The following AKR1A1 variants were observed in gnomAD, a reference collection of about 807,000 sequenced individuals.
AKR1A1 encodes the protein aldo-keto reductase family 1 member A1, also known as HEL-S-165mP.
AKR1A1 carries 26 observed loss-of-function variants against 39.2 expected under a neutral mutation model. The ratio of observed to expected loss-of-function variants is 0.66; its 90% CI spans 0.49 to 0.92. The LOEUF (loss-of-function observed/expected upper bound fraction) is 0.92. Ranked by LOEUF, AKR1A1 falls within the 40% of genes least tolerant of loss-of-function variation. AKR1A1 has a pLI of 0.00. For synonymous variants in AKR1A1, 141 were observed against 155.5 expected, an observed-to-expected ratio of 0.91 and a Z score of 0.69; for missense variants, 378 against 406.5, an observed-to-expected ratio of 0.93 and a Z score of 0.60.
chr1:45,554,363 GT>G (rs1248843987), intron 1 of AKR1A1, among the ~76,000 whole-genome samples: 2 of 151,946 alleles, frequency 1.3e-5, no homozygotes, highest in African/African-American at 2.4e-5. Flanking sequence ...GGGAGGTGGA[GT>G]TTGCAGTGAG....
At chr1:45,554,245 G>A (rs930524779) in intron 1 of AKR1A1, among the ~76,000 whole-genome samples, 5 of 151,556 alleles carry the variant, frequency 3.3e-5, no homozygotes, top group African/African-American at 1.2e-4. Flanking sequence ...TGGGCAACAA[G>A]GAGAAACCCT....
chr1:45,564,812 T>C (rs1163193782), intron 2 of AKR1A1, among the ~76,000 whole-genome samples: 1 of 151,440 alleles, frequency 6.6e-6, no homozygotes, highest in Admixed American at 6.6e-5. Flanking sequence ...AATTTTTATT[T>C]ATTTATTTAT....
At position 45,566,559 on chromosome 1, in the gene AKR1A1, C is replaced by A; in HGVS notation, c.85-10C>A. ...ACATAGCTGAAACCTCTGCTTCTCT[C>A]ACCTGGCAGGTAAAAGCAGCTGTTA... On this transcript the variant is annotated splice_polypyrimidine_tract_variant and intron_variant, in intron 2 of 8. Coordinates refer to ENST00000351829, the MANE Select transcript of AKR1A1 (RefSeq NM_153326.3). 5 of 1,613,992 alleles carry A rather than the reference C, an allele frequency of 3.1e-6. No individual in the cohort carries two copies. The highest frequency in any genetic ancestry group is 4.2e-6 in the Non-Finnish European group (5 of 1,179,916).
intron 4 of AKR1A1, 156 bp from the exon 5 acceptor site, chr1:45,567,826 C>CAA (rs372088222): frequency 0.011 from 5,920 of 529,030 alleles, no homozygotes; most frequent in Non-Finnish European, 0.013. Flanking sequence ...GACTCCATCT[C>CAA]AAAAAAAAAA....
intron 1 of AKR1A1, among the ~76,000 whole-genome samples, chr1:45,555,635 A>T (rs1644192111): frequency 6.6e-6 from 1 of 152,190 alleles, no homozygotes; most frequent in Non-Finnish European, 1.5e-5. Context: ...AAGGGACTGG[A>T]GCATCCCAGG....
chr1:45,553,969 T>G (rs1044376053), intron 1 of AKR1A1, among the ~76,000 whole-genome samples: 10 of 150,848 alleles, frequency 6.6e-5, no homozygotes, highest in Non-Finnish European at 1.5e-4. Flanking sequence ...CCCTCCAGCC[T>G]GGGTGACAGA....
Position 45,566,612 on chromosome 1 carries a change from A to G in AKR1A1, c.128A>G (p.His43Arg). 1.2e-6 allele frequency: 2 copies of G among 1,614,274 alleles called. No individual in the cohort carries two copies. Among genetic ancestry groups the G allele is most frequent in the Non-Finnish European group, 1.7e-6 (2 of 1,180,050 alleles). Reference protein sequence around the residue: ...VKYALSVGYRHIDCAAIYGNE... With the variant: ...VKYALSVGYRRIDCAAIYGNE... ...TATGCCCTTAGCGTAGGCTACCGCCACATTGATTGTGCTGCTATCTACGGC... is the reference window on the plus strand; with the variant it reads ...TATGCCCTTAGCGTAGGCTACCGCCGCATTGATTGTGCTGCTATCTACGGC... Residue 43 changes from histidine to arginine, a missense_variant, in exon 3 of 9, where the codon CAC becomes CGC. His to Arg is a conservative substitution (Grantham distance 29). Coordinates refer to ENST00000351829, the MANE Select transcript of AKR1A1 (RefSeq NM_153326.3).
chr1:45,568,861 T>A, intron 6 of AKR1A1, 66 bp from the exon 7 acceptor site: 1 of 1,575,242 alleles, frequency 6.3e-7, no homozygotes, highest in Non-Finnish European at 8.7e-7. Flanking sequence ...GGAAGCTGCA[T>A]GGGGAACAAA....
intron 1 of AKR1A1, among the ~76,000 whole-genome samples, chr1:45,553,738 AATC>A: frequency 6.6e-6 from 1 of 152,104 alleles, no homozygotes; most frequent in Non-Finnish European, 1.5e-5. Flanking sequence ...TCATGCCTGT[AATC>A]CCAGCACTTT....
rs67386168 is a variant in AKR1A1 at position 45,557,912 on chromosome 1, CTTTT to C, written c.-6-3865_-6-3862del. Among the ~76,000 whole-genome samples, 2 of 112,218 alleles carry C rather than the reference CTTTT, an allele frequency of 1.8e-5. 1 individual carries two copies. Among genetic ancestry groups the C allele is most frequent in the African/African-American group, 7.1e-5 (2 of 28,234 alleles). The allele number at this position is 112,218 out of a possible 152,430, so 73.6% of individuals were successfully genotyped here. A position where few individuals can be genotyped will look rare whatever the true frequency, so the allele number is the denominator to read the frequency against. ...TGTACTGGCTTTACTCACAACTTGT[CTTTT>C]TTTTTTTTTTTGAGATGGAGCCTCA... On this transcript the variant is annotated intron_variant, in intron 1 of 8. Coordinates refer to ENST00000351829, the MANE Select transcript of AKR1A1 (RefSeq NM_153326.3).
In AKR1A1 at chr1:45,568,629, G is replaced by C; in HGVS notation, c.697G>C (p.Val233Leu). ...PDEPVLLEEP[V>L]VLALAEKYGR... Reference sequence around the variant, plus strand: ...TGAGCCTGTCCTGCTGGAGGAACCAGTAGTCCTGGCATTGGCTGAAAAGTA... The same window carrying C: ...TGAGCCTGTCCTGCTGGAGGAACCACTAGTCCTGGCATTGGCTGAAAAGTA... Residue 233 changes from valine to leucine, a missense_variant, in exon 6 of 9, where the codon GTA (valine) becomes CTA (leucine). By Grantham distance (32) the Val-to-Leu change is conservative (BLOSUM62 1). Coordinates refer to ENST00000351829, the MANE Select transcript of AKR1A1 (RefSeq NM_153326.3). The C allele has an allele frequency of 6.2e-7, 1 of 1,613,942 alleles. No homozygotes were observed. The highest frequency in any genetic ancestry group is 1.1e-5 in the South Asian group (1 of 91,070).
chr1:45,564,907 C>T (rs894055256), intron 2 of AKR1A1, among the ~76,000 whole-genome samples: 7 of 151,778 alleles, frequency 4.6e-5, no homozygotes, highest in Non-Finnish European at 7.4e-5. Context: ...ACTGCAAGCT[C>T]CGCCTCCTAG....
At chr1:45,559,965 C>A (rs151111356) in intron 1 of AKR1A1, among the ~76,000 whole-genome samples, 2 of 150,752 alleles carry the variant, frequency 1.3e-5, no homozygotes, top group African/African-American at 4.9e-5. Flanking sequence ...CACTTCTTAG[C>A]TGTTGATTTG....
At chr1:45,564,427 T>C (rs1644314442) in intron 2 of AKR1A1, among the ~76,000 whole-genome samples, 1 of 152,222 alleles carries the variant, frequency 6.6e-6, no homozygotes, top group Admixed American at 6.5e-5. Context: ...CTGCTGCTGA[T>C]GCCGTGTTTC....
chr1:45,563,482 G>A (rs1410630200), intron 2 of AKR1A1, among the ~76,000 whole-genome samples: 1 of 151,936 alleles, frequency 6.6e-6, no homozygotes, highest in Non-Finnish European at 1.5e-5. Context: ...ATACACTCAT[G>A]TGACCTTTTA....
intron 1 of AKR1A1, among the ~76,000 whole-genome samples, chr1:45,554,203 G>A (rs1277363926): frequency 6.6e-6 from 1 of 152,138 alleles, no homozygotes; most frequent in Non-Finnish European, 1.5e-5. Context: ...GAGGCAGAAG[G>A]ACCACTTGAG....
At position 45,566,916 on chromosome 1, in the gene AKR1A1, C is replaced by G; in HGVS notation, c.252C>G (p.Thr84=). The G allele has an allele frequency of 2.5e-6, 4 of 1,614,162 alleles. No homozygotes were observed. Among genetic ancestry groups the G allele is most frequent in the Non-Finnish European group, 3.4e-6 (4 of 1,180,016 alleles). Residue 84 remains threonine (T), a synonymous_variant, in exon 4 of 9, where the codon ACC becomes ACG. Transcript: ENST00000351829. ...TTGTGACATCCAAGCTGTGGAACAC[C>G]AAGCACCACCCCGAGGATGTGGAGC... ...ELFVTSKLWN[T]KHHPEDVEPA... is the part of the protein sequence containing the mutation.
chr1:45,567,932 T>G (rs969866817), intron 4 of AKR1A1, 50 bp from the exon 5 acceptor site: 5 of 1,519,918 alleles, frequency 3.3e-6, no homozygotes, highest in Admixed American at 2.0e-5. Flanking sequence ...GCAGGTAGGG[T>G]AGAAGCCTGG....
intron 5 of AKR1A1, 56 bp downstream of exon 5, chr1:45,568,233 G>C (rs1644371433): frequency 1.9e-6 from 3 of 1,540,506 alleles, no homozygotes; most frequent in Non-Finnish European, 2.6e-6. Flanking sequence ...GAGCATGAGG[G>C]AGCAGACGAT....
Sources: gnomAD v4.1 joint callset for allele counts (sites outside exome capture counted in the v4.1 genomes callset) on GRCh38, gnomAD v4.1.1 for gene constraint, MANE v1.5 for transcripts, NCBI Gene and HGNC (gene_info 2026-07-23, HGNC 2026-07-21) for gene names.